IWS1: variants seen among roughly 807,000 people sequenced by gnomAD.
IWS1 encodes interacts with SUPT6H, CTD assembly factor 1.
A neutral mutation model predicts 86.7 loss-of-function variants in IWS1; 27 were observed. That is an observed-to-expected ratio of 0.31 (90% CI 0.23 to 0.43). IWS1 has a LOEUF of 0.43. IWS1 is among the 20% of genes least tolerant of loss of function. The pLI is 1.00. For synonymous variants in IWS1, 313 were observed against 335.1 expected, an observed-to-expected ratio of 0.93 and a Z score of 0.72; for missense variants, 827 against 1,000.8, an observed-to-expected ratio of 0.83 and a Z score of 2.34.
chr2:127,502,219 T>G (rs1690859749), intron 5 of IWS1, among the ~76,000 whole-genome samples: 1 of 152,202 alleles, frequency 6.6e-6, no homozygotes, highest in African/African-American at 2.4e-5. Context: ...TGCTGCTCTC[T>G]GAAGTCTCAA....
intron 2 of IWS1, among the ~76,000 whole-genome samples, chr2:127,520,825 A>G (rs1692052093): frequency 1.3e-5 from 2 of 152,282 alleles, no homozygotes; most frequent in Admixed American, 1.3e-4. Context: ...ATAGCTAAAC[A>G]GCATAAATGA....
At chr2:127,488,255 G>A (rs1558740954) in intron 12 of IWS1, 2 of 152,152 alleles carry the variant, frequency 1.3e-5, no homozygotes, top group Non-Finnish European at 2.9e-5. Flanking sequence ...TTTCTATGGA[G>A]AGAACCATCA....
Position 127,505,567 on chromosome 2 carries a change from A to T in IWS1, c.336T>A (p.Asp112Glu), listed in dbSNP as rs1261727642. 2 of 1,613,672 alleles carry T rather than the reference A, an allele frequency of 1.2e-6. No homozygotes were observed. Among genetic ancestry groups the T allele is most frequent in the Non-Finnish European group, 1.7e-6 (2 of 1,179,962 alleles). Residue 112 changes from aspartate to glutamate, a missense_variant, in exon 3 of 14, where the codon GAT becomes GAA. Physicochemically the swap from Asp to Glu is conservative, Grantham distance 45. Transcript: ENST00000295321. The surrounding 1 kb of genome is among the most constrained non-coding windows in gnomAD (Gnocchi z 5.0). ...CAGAGTCGCTCCCATGCTGATTGAC[A>T]TCCTCATTTTCAGAATCGCTTGCAG... The part of the protein sequence containing the change: ...EPPASDSENE[D>E]VNQHGSDSES...
chr2:127,504,402 C>A (rs1046349963), intron 3 of IWS1, among the ~76,000 whole-genome samples: 1 of 150,896 alleles, frequency 6.6e-6, no homozygotes, highest in African/African-American at 2.5e-5. Flanking sequence ...ATTACCTCTT[C>A]CAGTTTTAAA....
At chr2:127,510,873 T>C (rs1053206423) in intron 2 of IWS1, among the ~76,000 whole-genome samples, 2 of 152,200 alleles carry the variant, frequency 1.3e-5, no homozygotes, top group Admixed American at 6.5e-5. Flanking sequence ...TGCTTAAGAA[T>C]CACTTGGGGA....
At chr2:127,515,387 C>T (rs1160136136) in intron 2 of IWS1, among the ~76,000 whole-genome samples, 1 of 152,212 alleles carries the variant, frequency 6.6e-6, no homozygotes, top group Non-Finnish European at 1.5e-5. Context: ...CAACACAAGG[C>T]TGCTCTCTCT....
Position 127,505,325 on chromosome 2 carries a change from T to G in IWS1, c.578A>C (p.His193Pro). 1 of 1,613,928 alleles carries G rather than the reference T, an allele frequency of 6.2e-7. No individual in the cohort carries two copies. Among genetic ancestry groups the G allele is most frequent in the East Asian group, 2.2e-5 (1 of 44,844 alleles). Residue 193 changes from histidine (H) to proline (P), a missense_variant, in exon 3 of 14, where the codon CAC becomes CCC. Physicochemically the swap from His to Pro is moderately conservative, Grantham distance 77. Coordinates refer to ENST00000295321, the MANE Select transcript of IWS1 (RefSeq NM_017969.3). This position sits in a 1 kb window ranked among gnomAD's most constrained non-coding sequence, Gnocchi z 5.0. ...CTCATTTTCGGAGTCACTGGCTTGG[T>G]GCCTTGGGGGTTCCTCACTCTCAGA... ...SDSESEEPPR[H>P]QASDSENEEP...
rs781645141 is a variant in IWS1, at chr2:127,526,185, G to A, written c.24C>T (p.Gly8=). 5 of 1,597,856 alleles carry A rather than the reference G, an allele frequency of 3.1e-6. No homozygotes were observed. The highest frequency in any genetic ancestry group is 4.3e-6 in the Non-Finnish European group (5 of 1,172,686). Residue 8 remains glycine, a synonymous_variant, in exon 1 of 14, where the codon GGC becomes GGT. Transcript: ENST00000295321. ...AGGTCCCTGCCCCACCTGACTGGTC[G>A]CCGCTGTAATATTCCGAGTCCATGG... MDSEYYS[G]DQSDDGGATP... is the part of the protein sequence containing the mutation.
At chr2:127,490,596 C>T (rs531829075) in intron 10 of IWS1, among the ~76,000 whole-genome samples, 13 of 152,268 alleles carry the variant, frequency 8.5e-5, no homozygotes, top group African/African-American at 3.1e-4. Flanking sequence ...ATAGACCGAA[C>T]ATGGGTGCTG....
chr2:127,522,521 C>A (rs1041685199), intron 2 of IWS1, among the ~76,000 whole-genome samples: 7 of 152,204 alleles, frequency 4.6e-5, no homozygotes, highest in Admixed American at 6.5e-5. Context: ...GTCCAAAGCA[C>A]CTGCAAAAAG....
chr2:127,521,365 A>C (rs896687590), intron 2 of IWS1, among the ~76,000 whole-genome samples: 4 of 152,240 alleles, frequency 2.6e-5, no homozygotes, highest in Admixed American at 2.6e-4. Context: ...TAATGTGAAA[A>C]GGCTCATAGT....
chr2:127,499,017 CAGG>C lies in IWS1; in HGVS notation c.1468-783_1468-781del, dbSNP rs985950917. On this transcript the variant is annotated intron_variant, in intron 5 of 13. Coordinates refer to ENST00000295321, the MANE Select transcript of IWS1 (RefSeq NM_017969.3). This position sits in a 1 kb window ranked among gnomAD's most constrained non-coding sequence, Gnocchi z 4.0. ...ATTAGATATAGCCCCCTACAAGTGA[CAGG>C]AACTGTACAATCCCCACATTTGTAC... Among the ~76,000 whole-genome samples, 1 of 152,034 alleles carries C rather than the reference CAGG, an allele frequency of 6.6e-6. No individual in the cohort carries two copies. The highest frequency in any genetic ancestry group is 2.4e-5 in the African/African-American group (1 of 41,386).
intron 2 of IWS1, among the ~76,000 whole-genome samples, chr2:127,518,437 G>A (rs985803722): frequency 6.6e-6 from 1 of 152,082 alleles, no homozygotes; most frequent in African/African-American, 2.4e-5. Context: ...TCACTTAAGC[G>A]TGGGAGGTTG....
At chr2:127,520,198 C>A (rs751787784) in intron 2 of IWS1, among the ~76,000 whole-genome samples, 4 of 152,086 alleles carry the variant, frequency 2.6e-5, no homozygotes, top group Admixed American at 6.5e-5. Flanking sequence ...GAGACATAGT[C>A]TCGCTCTGTC....
Position 127,505,040 on chromosome 2 carries a change from T to C in IWS1, c.863A>G (p.Asp288Gly). The C allele has an allele frequency of 6.2e-7, 1 of 1,612,644 alleles. No homozygotes were observed. The highest frequency in any genetic ancestry group is 8.5e-7 in the Non-Finnish European group (1 of 1,179,596). ...SEDPPRNQAS[D>G]SENEELPKPR... ...TTTGGGTAGCTCCTCATTTTCCGAA[T>C]CACTGGCCTGGTTCCTTGGGGGATC... The change falls in exon 3 of 14, where the codon GAT becomes GGT. Residue 288 changes from aspartate (D) to glycine (G), a missense_variant. Asp to Gly is a moderately conservative substitution (Grantham distance 94). This residue lies in a region of IWS1 where 548 missense variants were observed against 560.2 expected (regional missense o/e 0.98). Transcript: ENST00000295321. This position sits in a 1 kb window ranked among gnomAD's most constrained non-coding sequence, Gnocchi z 5.0.
rs902960838 is a variant in IWS1 at position 127,502,714 on chromosome 2, G to C, written c.1467+101C>G. 1.0e-5 allele frequency: 6 copies of C among 596,966 alleles called. No homozygotes were observed. The African/African-American group carries it at 1.1e-4, about 11-fold the overall frequency. The allele number at this position is 596,966 out of a possible 1,614,324, so 37.0% of individuals were successfully genotyped here. On this transcript the variant is annotated intron_variant, in intron 5 of 13. Transcript: ENST00000295321. ...TTTTTATCTTGAATACATCATAATT[G>C]TTTATTCCTACTTATTAGAATCATC... is the stretch of plus-strand genomic sequence containing the variant.
chr2:127,493,550 T>C, intron 8 of IWS1, 140 bp from the exon 9 acceptor site: 1 of 717,098 alleles, frequency 1.4e-6, no homozygotes, highest in East Asian at 3.0e-5. Context: ...CTGAACACCA[T>C]TCTGGTTTCG....
chr2:127,525,767 G>C (rs1405601118), intron 1 of IWS1, among the ~76,000 whole-genome samples: 1 of 152,176 alleles, frequency 6.6e-6, no homozygotes, highest in African/African-American at 2.4e-5. Context: ...CTTACGTCCG[G>C]TGTTGCAAGC....
At position 127,505,707 on chromosome 2, in the gene IWS1, CAT is replaced by C; in HGVS notation, c.194_195del (p.His65ArgfsTer5). 1.2e-6 allele frequency: 2 copies of C among 1,609,818 alleles called. No homozygotes were observed. Among genetic ancestry groups the C allele is most frequent in the Non-Finnish European group, 1.7e-6 (2 of 1,179,022 alleles). ...GGCTCATCGTTCTCAGAGTCTGTCA[CAT>C]GATGTCCTTTGGGGAGGCCATCTTC... ...DREDGLPKGH[H>X]VTDSENDEPL... On this transcript the variant is annotated frameshift_variant, in exon 3 of 14. Coordinates refer to ENST00000295321, the MANE Select transcript of IWS1 (RefSeq NM_017969.3). LOFTEE classifies it high-confidence loss of function. The surrounding 1 kb of genome is among the most constrained non-coding windows in gnomAD (Gnocchi z 5.0).
Sources: allele counts gnomAD v4.1 joint callset (sites outside exome capture counted in the v4.1 genomes callset), GRCh38; gene constraint gnomAD v4.1.1; regional missense constraint gnomAD v4.1.1; non-coding constraint Gnocchi (gnomAD v3.1); transcripts MANE v1.5; gene names NCBI Gene and HGNC (gene_info 2026-07-23, HGNC 2026-07-21).